The following ZNRF1 variants were observed in gnomAD, a reference collection of about 807,000 sequenced individuals.
The protein encoded by ZNRF1 is E3 ubiquitin-protein ligase ZNRF1.
In ZNRF1, 3 loss-of-function variants were observed where a neutral mutation model predicts 18.4. That is an observed-to-expected ratio of 0.16 (90% confidence interval 0.07 to 0.42). ZNRF1 has a LOEUF of 0.42. ZNRF1 is among the 10% of genes least tolerant of loss of function. The probability of loss-of-function intolerance (pLI) is 0.99; values close to 1 mark genes in which losing one functional copy is unlikely to be tolerated. For missense variants in ZNRF1, 310 were observed against 329.8 expected, an observed-to-expected ratio of 0.94 and a Z score of 0.47; for synonymous variants, 157 against 144.2, an observed-to-expected ratio of 1.09 and a Z score of -0.64.
At chr16:75,084,658 A>G (rs1449187473) in intron 1 of ZNRF1, 2 of 152,238 alleles carry the variant, frequency 1.3e-5, no homozygotes, top group Non-Finnish European at 2.9e-5. Flanking sequence ...ATATACAAGG[A>G]TTGAGAGTGT....
At chr16:75,097,532 T>G (rs2036213116) in intron 2 of ZNRF1, among the ~76,000 whole-genome samples, 1 of 152,176 alleles carries the variant, frequency 6.6e-6, no homozygotes. Context: ...AAGCTGTCTT[T>G]TAAAGGCAAG....
Position 75,013,407 on chromosome 16 carries a change from C to G in ZNRF1, c.424+13312C>G, listed in dbSNP as rs140755267. Among the ~76,000 whole-genome samples, 13 of 151,446 alleles carry G rather than the reference C, an allele frequency of 8.6e-5. No individual in the cohort carries two copies. In the East Asian group the frequency reaches 2.3e-3, roughly 27 times the overall value. On this transcript the variant is annotated intron_variant, in intron 1 of 4. Coordinates refer to ENST00000335325, the MANE Select transcript of ZNRF1 (RefSeq NM_032268.5). ...CTGTCGCCAGGCTGGAGTGCAGTGG[C>G]GTGATCTCAGCTCACTGCAACCTCT... is the stretch of plus-strand genomic sequence containing the variant.
At chr16:75,067,529 A>G (rs1289692588) in intron 1 of ZNRF1, among the ~76,000 whole-genome samples, 3 of 152,224 alleles carry the variant, frequency 2.0e-5, no homozygotes, top group African/African-American at 2.4e-5. Context: ...CCTAAGTTAA[A>G]CTTCAGAAAG....
intron 1 of ZNRF1, among the ~76,000 whole-genome samples, chr16:75,000,764 G>T (rs1347306987): frequency 6.6e-6 from 1 of 152,202 alleles, no homozygotes; most frequent in African/African-American, 2.4e-5. Context: ...GCTTGGCTCC[G>T]CGACTCTCGC....
At chr16:75,021,160 C>T (rs955357742) in intron 1 of ZNRF1, among the ~76,000 whole-genome samples, 14 of 152,286 alleles carry the variant, frequency 9.2e-5, no homozygotes, top group Admixed American at 8.5e-4. Context: ...CCTGCCTCAG[C>T]CTCGCAAGTA....
rs1165011147 is a variant in ZNRF1, at chr16:75,050,870, C to CAAAAA, written c.425-42688_425-42684dup. 2.4e-3 allele frequency among the ~76,000 whole-genome samples: 22 copies of CAAAAA among 9,238 alleles called. 4 individuals are homozygous for CAAAAA. Among genetic ancestry groups the CAAAAA allele is most frequent in the African/African-American group, 3.7e-3 (18 of 4,890 alleles). The allele number at this position is 9,238 out of a possible 152,430, so 6.1% of individuals were successfully genotyped here. ...TGGGCGACAGAGCAAGACTCCGTCTCAAAAAAAAAAAAAAAAAACAAAAAA... is the reference window on the plus strand; with the variant it reads ...TGGGCGACAGAGCAAGACTCCGTCTCAAAAAAAAAAAAAAAAAAAAAAACAAAAAA... On this transcript the variant is annotated intron_variant, in intron 1 of 4. Coordinates refer to ENST00000335325, the MANE Select transcript of ZNRF1 (RefSeq NM_032268.5).
chr16:75,075,648 G>A (rs1165942639), intron 1 of ZNRF1, among the ~76,000 whole-genome samples: 1 of 152,206 alleles, frequency 6.6e-6, no homozygotes, highest in African/African-American at 2.4e-5. Context: ...CCCATCATAT[G>A]CCAGGCTCTA....
In ZNRF1 at chr16:75,049,845, T is replaced by TTGTGTGTGTGTGTGTGTGTGTGTG. The variant is rs56377786; in HGVS notation, c.425-43724_425-43701dup. On this transcript the variant is annotated intron_variant, in intron 1 of 4. Coordinates refer to ENST00000335325, the MANE Select transcript of ZNRF1 (RefSeq NM_032268.5). Reference sequence around the variant, plus strand: ...TCTCATCACTTTCACATGCACCCATTTGTGTGTGTGTGTGTGTGTGTGTGT... The same window carrying TTGTGTGTGTGTGTGTGTGTGTGTG: ...TCTCATCACTTTCACATGCACCCATTTGTGTGTGTGTGTGTGTGTGTGTGTGTGTGTGTGTGTGTGTGTGTGTGT... 2.7e-4 allele frequency among the ~76,000 whole-genome samples: 41 copies of TTGTGTGTGTGTGTGTGTGTGTGTG among 149,388 alleles called. 1 individual carries two copies. The highest frequency in any genetic ancestry group is 8.6e-4 in the African/African-American group (35 of 40,512).
At chr16:75,079,127 AG>A (rs932899021) in intron 1 of ZNRF1, among the ~76,000 whole-genome samples, 1 of 152,190 alleles carries the variant, frequency 6.6e-6, no homozygotes, top group Non-Finnish European at 1.5e-5. Flanking sequence ...TCACTATTTT[AG>A]GGAGCTTAGA....
chr16:75,026,832 A>C (rs1482510741), intron 1 of ZNRF1, among the ~76,000 whole-genome samples: 1 of 151,998 alleles, frequency 6.6e-6, no homozygotes, highest in Non-Finnish European at 1.5e-5. Flanking sequence ...GCTACTCAGG[A>C]GGCTGAGGCA....
At chr16:75,049,122 A>C in intron 1 of ZNRF1, among the ~76,000 whole-genome samples, 1 of 151,680 alleles carries the variant, frequency 6.6e-6, no homozygotes, top group East Asian at 1.9e-4. Context: ...CTCCTGCCTC[A>C]GCCTCCTGAA....
At chr16:75,081,129 C>T (rs1242030988) in intron 1 of ZNRF1, among the ~76,000 whole-genome samples, 6 of 152,112 alleles carry the variant, frequency 3.9e-5, no homozygotes, top group African/African-American at 7.2e-5. Context: ...GCCGAGATCA[C>T]GCCACTGCAC....
intron 1 of ZNRF1, among the ~76,000 whole-genome samples, chr16:75,001,806 C>T (rs1200013436): frequency 1.3e-5 from 2 of 152,120 alleles, no homozygotes; most frequent in Admixed American, 6.6e-5. Context: ...TATTATGCTA[C>T]TACCAGGTTC....
At chr16:75,084,763 C>T (rs2036054717) in intron 1 of ZNRF1, 1 of 152,328 alleles carries the variant, frequency 6.6e-6, no homozygotes, top group African/African-American at 2.4e-5. Flanking sequence ...GCTCACCTGT[C>T]ACCTCCTCAG....
At position 75,056,526 on chromosome 16, in the gene ZNRF1, T is replaced by G. The variant is rs150502830; in HGVS notation, c.425-37046T>G. ...CTGACAAGAATGGAAACTGTATGTT[T>G]GGACAAAAATACTGAAGATACAGAT... is the stretch of plus-strand genomic sequence containing the variant. On this transcript the variant is annotated intron_variant, in intron 1 of 4. Coordinates refer to ENST00000335325, the MANE Select transcript of ZNRF1 (RefSeq NM_032268.5). 2.9e-4 allele frequency among the ~76,000 whole-genome samples: 44 copies of G among 152,356 alleles called. No individual in the cohort carries two copies. In the East Asian group the frequency reaches 7.3e-3, roughly 25 times the overall value.
At chr16:75,072,903 A>T (rs1473463480) in intron 1 of ZNRF1, among the ~76,000 whole-genome samples, 1 of 152,204 alleles carries the variant, frequency 6.6e-6, no homozygotes, top group African/African-American at 2.4e-5. Context: ...CCCCTCTGAG[A>T]TGCAGATACT....
intron 1 of ZNRF1, among the ~76,000 whole-genome samples, chr16:75,080,184 G>A (rs889903195): frequency 3.9e-5 from 6 of 152,174 alleles, no homozygotes; most frequent in African/African-American, 1.4e-4. Flanking sequence ...CCAAAGTGCT[G>A]GGATTATAGG....
At chr16:75,024,898 C>T (rs1202760366) in intron 1 of ZNRF1, among the ~76,000 whole-genome samples, 4 of 152,110 alleles carry the variant, frequency 2.6e-5, no homozygotes, top group African/African-American at 7.2e-5. Context: ...CCCCATGATC[C>T]CTCTGGTGTA....
chr16:75,062,637 G>A (rs544652514), intron 1 of ZNRF1, among the ~76,000 whole-genome samples: 1 of 152,210 alleles, frequency 6.6e-6, no homozygotes, highest in Non-Finnish European at 1.5e-5. Context: ...CTGTTCCTGC[G>A]GTCCTCAGTC....
Sources: allele counts gnomAD v4.1 joint callset (sites outside exome capture counted in the v4.1 genomes callset), GRCh38; gene constraint gnomAD v4.1.1; transcripts MANE v1.5; gene names NCBI Gene and HGNC (gene_info 2026-07-23, HGNC 2026-07-21).